Variants in MUC17 observed in about 807,000 individuals in gnomAD.
MUC17 encodes mucin 17, cell surface associated, also known as mucin-17.
In MUC17, 190 loss-of-function variants were observed where a neutral mutation model predicts 170.3. That is an observed-to-expected ratio of 1.12 (90% CI 0.99 to 1.26). The LOEUF (loss-of-function observed/expected upper bound fraction) is 1.26. Ranked by LOEUF, MUC17 falls within the 50% of genes most tolerant of loss-of-function variation. The probability of loss-of-function intolerance (pLI) is 0.00; values close to 1 mark genes in which losing one functional copy is unlikely to be tolerated. For missense variants in MUC17, 6,415 were observed against 5,530.0 expected, an observed-to-expected ratio of 1.16 and a Z score of -5.08; for synonymous variants, 2,325 against 2,002.5, an observed-to-expected ratio of 1.16 and a Z score of -4.30.
At position 101,033,635 on chromosome 7, in the gene MUC17, C is replaced by T; in HGVS notation, c.2219C>T (p.Ser740Leu). ...TTADGASMPT[S>L]TPSEGSTPLT... ...GCTGATGGTGCCAGTATGCCAACCT[C>T]AACTCCTAGTGAAGGAAGCACTCCA... The change falls in exon 3 of 13, where the codon TCA (serine) becomes TTA (leucine). Residue 740 changes from serine (S) to leucine (L), a missense_variant. Physicochemically the swap from Ser to Leu is moderately radical, Grantham distance 145 (BLOSUM62 -2). Coordinates refer to ENST00000306151, the MANE Select transcript of MUC17 (RefSeq NM_001040105.2). 6.2e-7 allele frequency: 1 copy of T among 1,613,714 alleles called. No individual in the cohort carries two copies. The highest frequency in any genetic ancestry group is 8.5e-7 in the Non-Finnish European group (1 of 1,179,918).
intron 1 of MUC17, 72 bp from the exon 2 acceptor site, chr7:101,031,048 A>G (rs1794269695): frequency 1.3e-6 from 2 of 1,496,774 alleles, no homozygotes; most frequent in South Asian, 2.8e-5. Flanking sequence ...CAGGGAGTAG[A>G]GACTCAGAGT....
At position 101,035,678 on chromosome 7, in the gene MUC17, T is replaced by C. The variant is rs185024900; in HGVS notation, c.4262T>C (p.Val1421Ala). The C allele has an allele frequency of 2.4e-5, 39 of 1,607,094 alleles. No homozygotes were observed. In the African/African-American group the frequency reaches 4.8e-4, roughly 20 times the overall value. ...SEASTLSATP[V>A]DTSTPGTTSA... The stretch of plus-strand genomic sequence containing the variant: ...GCTAGCACCCTTTCAGCAACTCCTG[T>C]TGACACCAGCACCCCTGGGACCACT... The change falls in exon 3 of 13, where the codon GTT becomes GCT. Residue 1421 changes from valine (V) to alanine (A), a missense_variant. Coordinates refer to ENST00000306151, the MANE Select transcript of MUC17 (RefSeq NM_001040105.2).
intron 11 of MUC17, among the ~76,000 whole-genome samples, chr7:101,055,038 G>T (rs1795022278): frequency 6.6e-6 from 1 of 152,070 alleles, no homozygotes; most frequent in Non-Finnish European, 1.5e-5. Context: ...AACCTGGGAA[G>T]TGGAGGCTGC....
At chr7:101,027,508 A>G (rs983159629) in intron 1 of MUC17, among the ~76,000 whole-genome samples, 2 of 152,144 alleles carry the variant, frequency 1.3e-5, no homozygotes, top group African/African-American at 4.8e-5. Flanking sequence ...AAGTTGTCAA[A>G]TTTATTGGCA....
rs926417660 is a variant in MUC17, at chr7:101,037,876, T to C, written c.6460T>C (p.Ser2154Pro). The C allele has an allele frequency of 6.2e-7, 1 of 1,610,680 alleles. No individual in the cohort carries two copies. ...TACTGAAGGTACCAGCATGCAAACC[T>C]CAACTTATAGTGACAGAAGAACTCC... is the stretch of plus-strand genomic sequence containing the variant. ...IPTEGTSMQT[S>P]TYSDRRTPLT... The change falls in exon 3 of 13, where the codon TCA becomes CCA. Residue 2154 changes from serine (S) to proline (P), a missense_variant. By Grantham distance (74) the Ser-to-Pro change is moderately conservative. Transcript: ENST00000306151.
In MUC17 at chr7:101,043,780, A is replaced by C. The variant is rs745392401; in HGVS notation, c.12364A>C (p.Asn4122His). The change falls in exon 3 of 13, where the codon AAC becomes CAC. Residue 4122 changes from asparagine to histidine, a missense_variant. By Grantham distance (68) the Asn-to-His change is moderately conservative. Coordinates refer to ENST00000306151, the MANE Select transcript of MUC17 (RefSeq NM_001040105.2). ...CCCCACGAATACTACAATTAAGAGC[A>C]ACCCCACCTCAACTCCTACTGTGCC... ...AVPTNTTIKS[N>H]PTSTPTVPRT... 4.3e-6 allele frequency: 7 copies of C among 1,612,172 alleles called. No homozygotes were observed. The Admixed American group carries it at 1.0e-4, about 23-fold the overall frequency.
Position 101,042,529 on chromosome 7 carries a change from C to T in MUC17, c.11113C>T (p.Arg3705Cys), listed in dbSNP as rs780195995. The change falls in exon 3 of 13, where the codon CGT (arginine) becomes TGT (cysteine). Residue 3705 changes from arginine to cysteine, a missense_variant. Physicochemically the swap from Arg to Cys is radical, Grantham distance 180 (BLOSUM62 -3). Coordinates refer to ENST00000306151, the MANE Select transcript of MUC17 (RefSeq NM_001040105.2). ...AACAACTATGCCTGTCAGCACCACACGTGTGACCAGCTCTGAGGGTAGCAC... is the reference window on the plus strand; with the variant it reads ...AACAACTATGCCTGTCAGCACCACATGTGTGACCAGCTCTGAGGGTAGCAC... ...PLTTMPVSTT[R>C]VTSSEGSTLS... 5.8e-5 allele frequency: 93 copies of T among 1,613,648 alleles called. No homozygotes were observed. Among genetic ancestry groups the T allele is most frequent in the Middle Eastern group, 3.3e-4 (2 of 6,078 alleles).
chr7:101,029,613 T>A (rs528508208), intron 1 of MUC17, among the ~76,000 whole-genome samples: 41 of 151,708 alleles, frequency 2.7e-4, no homozygotes, highest in East Asian at 7.8e-4. Context: ...TATTATTATT[T>A]TTTGAGACAG....
intron 11 of MUC17, among the ~76,000 whole-genome samples, chr7:101,054,761 G>C (rs1029769369): frequency 6.6e-6 from 1 of 152,134 alleles, no homozygotes; most frequent in Non-Finnish European, 1.5e-5. Context: ...TCAAGGCTGC[G>C]TGAGCTATGA....
At position 101,040,273 on chromosome 7, in the gene MUC17, G is replaced by A. The variant is rs547197644; in HGVS notation, c.8857G>A (p.Val2953Ile). ...SEASTLSTTP[V>I]DTRTPVTTSA... Reference sequence around the variant, plus strand: ...GGCTAGCACCCTTTCAACAACTCCTGTTGACACCAGGACACCTGTCACCAC... The same window carrying A: ...GGCTAGCACCCTTTCAACAACTCCTATTGACACCAGGACACCTGTCACCAC... Residue 2953 changes from valine to isoleucine, a missense_variant, in exon 3 of 13, where the codon GTT (valine) becomes ATT (isoleucine). Transcript: ENST00000306151. The A allele has an allele frequency of 5.6e-6, 9 of 1,610,594 alleles. No homozygotes were observed. In the Admixed American group the frequency reaches 1.2e-4, roughly 21 times the overall value.
chr7:101,053,599 T>C (rs1794993964), intron 11 of MUC17, 163 bp downstream of exon 11: 1 of 525,912 alleles, frequency 1.9e-6, no homozygotes, highest in Admixed American at 3.3e-5. Context: ...AGCAAAACTC[T>C]ATCTCTTAAA....
chr7:101,028,508 CT>C (rs1472498889), intron 1 of MUC17, among the ~76,000 whole-genome samples: 2 of 151,568 alleles, frequency 1.3e-5, no homozygotes, highest in Admixed American at 6.6e-5. Flanking sequence ...TTTTTTTTAT[CT>C]CTAGAAGTTC....
At position 101,040,493 on chromosome 7, in the gene MUC17, C is replaced by G; in HGVS notation, c.9077C>G (p.Ser3026Cys). ...TPVTTSTEAS[S>C]SPTTAEGTGI... is the part of the protein sequence containing the mutation. ...GTGACCACTTCTACTGAAGCCAGTT[C>G]CTCTCCTACAACTGCTGAAGGTACC... Residue 3026 changes from serine (S) to cysteine (C), a missense_variant, in exon 3 of 13, where the codon TCC (serine) becomes TGC (cysteine). By Grantham distance (112) the Ser-to-Cys change is moderately radical. Coordinates refer to ENST00000306151, the MANE Select transcript of MUC17 (RefSeq NM_001040105.2). The G allele has an allele frequency of 6.2e-7, 1 of 1,612,200 alleles. No individual in the cohort carries two copies. Among genetic ancestry groups the G allele is most frequent in the Non-Finnish European group, 8.5e-7 (1 of 1,179,240 alleles).
chr7:101,031,791 C>A lies in MUC17; in HGVS notation c.375C>A (p.Ser125Arg), dbSNP rs1011437157. 1 of 1,607,100 alleles carries A rather than the reference C, an allele frequency of 6.2e-7. No individual in the cohort carries two copies. The highest frequency in any genetic ancestry group is 8.5e-7 in the Non-Finnish European group (1 of 1,173,764). ...CAACTTCAGAATCTACCAGTGACAG[C>A]ACCACACTTTTCCCCAGTTCTACTG... ...SRTTSESTSDSTTLFPSSTED... is the reference protein window; with the variant it reads ...SRTTSESTSDRTTLFPSSTED... Residue 125 changes from serine (S) to arginine (R), a missense_variant, in exon 3 of 13, where the codon AGC (serine) becomes AGA (arginine). Coordinates refer to ENST00000306151, the MANE Select transcript of MUC17 (RefSeq NM_001040105.2).
At chr7:101,055,121 GGAGGAGGAAGGGGAAGAGGAA>G (rs1265312072) in intron 11 of MUC17, among the ~76,000 whole-genome samples, 1 of 151,972 alleles carries the variant, frequency 6.6e-6, no homozygotes, top group Non-Finnish European at 1.5e-5. Context: ...AGGAGGAGGA[GGAGGAGGAAGGGGAAGAGGAA>G]GAGGAGATAG....
At chr7:101,026,559 G>C (rs139866503) in intron 1 of MUC17, among the ~76,000 whole-genome samples, 32 of 152,284 alleles carry the variant, frequency 2.1e-4, no homozygotes, top group Non-Finnish European at 7.4e-5. Flanking sequence ...AGAGCAAAAT[G>C]GACATGCAAG....
Position 101,033,175 on chromosome 7 carries a change from G to A in MUC17, c.1759G>A (p.Ala587Thr), listed in dbSNP as rs1794347617. The change falls in exon 3 of 13, where the codon GCT becomes ACT. Residue 587 changes from alanine (A) to threonine (T), a missense_variant. By Grantham distance (58) the Ala-to-Thr change is moderately conservative. Coordinates refer to ENST00000306151, the MANE Select transcript of MUC17 (RefSeq NM_001040105.2). ...CACCAGGCTGGTGGTCAGTTCTGAG[G>A]CTAGCACCACTTCAACAACTCCTGC... is the stretch of plus-strand genomic sequence containing the variant. ...VSTRLVVSSE[A>T]STTSTTPADS... is the part of the protein sequence containing the mutation. The A allele has an allele frequency of 6.2e-7, 1 of 1,613,866 alleles. No individual in the cohort carries two copies. The highest frequency in any genetic ancestry group is 8.5e-7 in the Non-Finnish European group (1 of 1,179,910).
rs200640626 is a variant in MUC17, at chr7:101,036,077, C to T, written c.4661C>T (p.Ser1554Phe). Reference sequence around the variant, plus strand: ...ACCACTTATTCTCAAGCCAGTTCATCTCCTACAACTGCTGACGGTACCAGC... The same window carrying T: ...ACCACTTATTCTCAAGCCAGTTCATTTCCTACAACTGCTGACGGTACCAGC... The part of the protein sequence containing the change: ...PVTTYSQASS[S>F]PTTADGTSMQ... Residue 1554 changes from serine (S) to phenylalanine (F), a missense_variant, in exon 3 of 13, where the codon TCT (serine) becomes TTT (phenylalanine). Ser to Phe is a radical substitution (Grantham distance 155). Transcript: ENST00000306151. 2.0e-5 allele frequency: 32 copies of T among 1,612,302 alleles called. No individual in the cohort carries two copies. In the Admixed American group the frequency reaches 3.8e-4, roughly 19 times the overall value.
rs758975800 is a variant in MUC17 at position 101,042,661 on chromosome 7, A to G, written c.11245A>G (p.Met3749Val). The G allele has an allele frequency of 6.2e-6, 10 of 1,613,998 alleles. No individual in the cohort carries two copies. The East Asian group carries it at 2.0e-4, about 32-fold the overall frequency. The change falls in exon 3 of 13, where the codon ATG becomes GTG. Residue 3749 changes from methionine (M) to valine (V), a missense_variant. Physicochemically the swap from Met to Val is conservative, Grantham distance 21. Transcript: ENST00000306151. ...CACCACCATGTCTGTGTCAATGCCC[A>G]TGGAAATAAGCACCCTTGGGACCAC... ...DSTTMSVSMP[M>V]EISTLGTTIL...
Sources: allele counts gnomAD v4.1 joint callset (sites outside exome capture counted in the v4.1 genomes callset), GRCh38; gene constraint gnomAD v4.1.1; transcripts MANE v1.5; gene names NCBI Gene and HGNC (gene_info 2026-07-23, HGNC 2026-07-21).